The following EPHX2 variants were observed in gnomAD, a reference collection of about 807,000 sequenced individuals.
The protein encoded by EPHX2 is epoxide hydrolase 2.
In EPHX2, 74 loss-of-function variants were observed where a neutral mutation model predicts 78.7. The observed-to-expected ratio is 0.94, with a 90% CI of 0.78 to 1.14. The LOEUF (loss-of-function observed/expected upper bound fraction) is 1.14. Among genes scored for constraint, EPHX2 ranks in the 50% most tolerant of loss-of-function variants. The probability of loss-of-function intolerance (pLI) is 0.00; values close to 1 mark genes in which losing one functional copy is unlikely to be tolerated. For missense variants in EPHX2, 715 were observed against 702.5 expected (o/e 1.02, Z -0.20); for synonymous variants, 251 against 255.2 (o/e 0.98, Z 0.16).
chr8:27,541,432 A>G (rs768897506), intron 15 of EPHX2, 41 bp from the exon 16 acceptor site: 6 of 1,603,760 alleles, frequency 3.7e-6, no homozygotes, highest in African/African-American at 1.3e-5. Context: ...AGAGCCGTCT[A>G]CTTACTGCCT....
chr8:27,523,856 C>A (rs1041525078), intron 11 of EPHX2, among the ~76,000 whole-genome samples: 1 of 151,984 alleles, frequency 6.6e-6, no homozygotes, highest in Non-Finnish European at 1.5e-5. Context: ...GACTGCACAA[C>A]GTACTGGTTA....
intron 1 of EPHX2, among the ~76,000 whole-genome samples, chr8:27,497,450 G>A (rs550607195): frequency 6.6e-6 from 1 of 152,164 alleles, no homozygotes; most frequent in Admixed American, 6.5e-5. Context: ...AACCACCAAG[G>A]TTTGTTTGTG....
At chr8:27,495,679 G>A (rs1344472634) in intron 1 of EPHX2, among the ~76,000 whole-genome samples, 1 of 152,152 alleles carries the variant, frequency 6.6e-6, no homozygotes, top group African/African-American at 2.4e-5. Flanking sequence ...GATAGCCTCC[G>A]ATACTAAGAT....
chr8:27,534,815 G>T (rs988926992), intron 12 of EPHX2, among the ~76,000 whole-genome samples: 6 of 152,130 alleles, frequency 3.9e-5, no homozygotes, highest in Non-Finnish European at 8.8e-5. Flanking sequence ...CACCACTAAG[G>T]GGATCCCAGG....
chr8:27,546,086 G>A (rs766122591), downstream of EPHX2, among the ~76,000 whole-genome samples: 53 of 147,422 alleles, frequency 3.6e-4, no homozygotes, highest in Admixed American at 1.2e-3. Flanking sequence ...TTCTCGTCGC[G>A]CCACTGCACT....
intron 12 of EPHX2, among the ~76,000 whole-genome samples, chr8:27,527,495 A>G (rs1278944697): frequency 6.6e-6 from 1 of 152,168 alleles, no homozygotes; most frequent in African/African-American, 2.4e-5. Flanking sequence ...CACCTCCAGA[A>G]CTTTTTCATC....
At chr8:27,520,001 CTTTTCTTTTTT>C (rs1814590123) in intron 9 of EPHX2, among the ~76,000 whole-genome samples, 1 of 148,616 alleles carries the variant, frequency 6.7e-6, no homozygotes. Context: ...CTCCTCTTTT[CTTTTCTTTTTT>C]TTTTTTTTAA....
chr8:27,503,604 T>C lies in EPHX2; in HGVS notation c.187T>C (p.Trp63Arg), dbSNP rs754312530. The stretch of plus-strand genomic sequence containing the variant: ...TTGTCCCCTCACTTCACTTTGACAG[T>C]GGATACCACTCATGGAAGAAAACTG... ...LMKGEITLSQ[W>R]IPLMEENCRK... Residue 63 changes from tryptophan (W) to arginine (R), a missense_variant and splice_region_variant, in exon 3 of 19, where the codon TGG becomes CGG. Coordinates refer to ENST00000521400, the MANE Select transcript of EPHX2 (RefSeq NM_001979.6). 1.2e-5 allele frequency: 19 copies of C among 1,608,462 alleles called. 1 individual carries two copies. In the South Asian group the frequency reaches 1.9e-4, roughly 16 times the overall value.
At chr8:27,526,613 G>T (rs1480174726) in intron 12 of EPHX2, among the ~76,000 whole-genome samples, 3 of 152,224 alleles carry the variant, frequency 2.0e-5, no homozygotes, top group African/African-American at 7.2e-5. Context: ...TTCAACAACA[G>T]AAATTCACAG....
chr8:27,524,471 G>T (rs904403584), intron 11 of EPHX2, among the ~76,000 whole-genome samples: 7 of 152,044 alleles, frequency 4.6e-5, no homozygotes, highest in African/African-American at 1.7e-4. Flanking sequence ...TGGTTTTCTT[G>T]GTTCTTACAG....
Position 27,544,762 on chromosome 8 carries a change from G to A in EPHX2, c.*240G>A, listed in dbSNP as rs538855549. Reference sequence around the variant, plus strand: ...GCATGAATGCATCGTCCCTTTATCTGTAAGAACCCTTAGTGTCCTGTAGGG... The same window carrying A: ...GCATGAATGCATCGTCCCTTTATCTATAAGAACCCTTAGTGTCCTGTAGGG... On this transcript the variant is annotated 3_prime_UTR_variant, in exon 19 of 19. Transcript: ENST00000521400. 3.6e-5 allele frequency: 20 copies of A among 553,814 alleles called. No homozygotes were observed. The South Asian group carries it at 4.1e-4, about 11-fold the overall frequency. The allele number at this position is 553,814 out of a possible 1,614,324, so 34.3% of individuals were successfully genotyped here.
intron 12 of EPHX2, among the ~76,000 whole-genome samples, chr8:27,531,869 A>G (rs1815055291): frequency 6.6e-6 from 1 of 152,168 alleles, no homozygotes; most frequent in African/African-American, 2.4e-5. Flanking sequence ...AGGGCTGAGC[A>G]CAGGAGGCAA....
At chr8:27,500,858 G>T in intron 1 of EPHX2, 68 bp from the exon 2 acceptor site, 1 of 1,381,438 alleles carries the variant, frequency 7.2e-7, no homozygotes. Flanking sequence ...AATATGAACA[G>T]TGTCTGTTTC....
In EPHX2 at chr8:27,509,775, CAG is replaced by C. The variant is rs1444730371; in HGVS notation, c.661-2060_661-2059del. 1.4e-4 allele frequency among the ~76,000 whole-genome samples: 21 copies of C among 152,336 alleles called. 1 individual carries two copies. The highest frequency in any genetic ancestry group is 5.0e-4 in the African/African-American group (21 of 41,588). ...CACAGAAAAATCACCCCTTCTTAAACAGGGGAGCCTGCGTCTGTTTCTCAGAG... is the reference window on the plus strand; with the variant it reads ...CACAGAAAAATCACCCCTTCTTAAACGGGAGCCTGCGTCTGTTTCTCAGAG... On this transcript the variant is annotated intron_variant, in intron 5 of 18. Transcript: ENST00000521400.
At chr8:27,541,905 C>T (rs910189648) in intron 16 of EPHX2, among the ~76,000 whole-genome samples, 47 of 152,006 alleles carry the variant, frequency 3.1e-4, no homozygotes, top group African/African-American at 9.7e-4. Flanking sequence ...CCCAGAGGAG[C>T]GTTAGGTGCT....
At chr8:27,512,833 A>G (rs556694984) in intron 6 of EPHX2, among the ~76,000 whole-genome samples, 1 of 152,200 alleles carries the variant, frequency 6.6e-6, no homozygotes, top group Admixed American at 6.5e-5. Flanking sequence ...CAACTTCATA[A>G]TGAAATGACA....
chr8:27,528,970 A>G (rs751634886), intron 12 of EPHX2, among the ~76,000 whole-genome samples: 2 of 151,982 alleles, frequency 1.3e-5, no homozygotes, highest in Non-Finnish European at 2.9e-5. Context: ...TAATTTTTGC[A>G]TTTTTAATAG....
At chr8:27,512,932 A>G (rs1002217698) in intron 6 of EPHX2, among the ~76,000 whole-genome samples, 11 of 152,234 alleles carry the variant, frequency 7.2e-5, no homozygotes, top group Non-Finnish European at 1.5e-4. Flanking sequence ...CACGTACTCC[A>G]TAAACAGCAG....
chr8:27,530,174 T>C (rs1352662822), intron 12 of EPHX2, among the ~76,000 whole-genome samples: 1 of 152,032 alleles, frequency 6.6e-6, no homozygotes, highest in Middle Eastern at 3.2e-3. Flanking sequence ...GTGTGAGAGC[T>C]GCCATGCCAG....
Sources: allele counts gnomAD v4.1 joint callset (sites outside exome capture counted in the v4.1 genomes callset), GRCh38; gene constraint gnomAD v4.1.1; transcripts MANE v1.5; gene names NCBI Gene and HGNC (gene_info 2026-07-23, HGNC 2026-07-21).